MPZL1: variants seen among roughly 807,000 people sequenced by gnomAD.
The protein encoded by MPZL1 is myelin protein zero-like protein 1.
Under a neutral mutation model 29.3 loss-of-function variants are expected in MPZL1, and 16 were observed. The observed-to-expected ratio is 0.55, with a 90% CI of 0.37 to 0.83. MPZL1 has a LOEUF of 0.83. Among genes scored for constraint, MPZL1 ranks in the 40% least tolerant of loss-of-function variants. The pLI, the probability that MPZL1 is intolerant of heterozygous loss-of-function variation, is 0.00. For missense variants in MPZL1, 279 were observed against 332.9 expected (o/e 0.84, Z 1.26); for synonymous variants, 143 against 132.0 (o/e 1.08, Z -0.57).
intron 5 of MPZL1, among the ~76,000 whole-genome samples, chr1:167,784,571 G>A (rs553823227): frequency 6.6e-6 from 1 of 152,294 alleles, no homozygotes; most frequent in African/African-American, 2.4e-5. Flanking sequence ...GAGGTGCTGA[G>A]GCATGTTCCA....
intron 1 of MPZL1, among the ~76,000 whole-genome samples, chr1:167,745,613 T>G (rs1226333821): frequency 6.6e-6 from 1 of 152,074 alleles, no homozygotes; most frequent in Admixed American, 6.6e-5. Flanking sequence ...TTTGTCATAT[T>G]CTTTTTGTAT....
At chr1:167,787,704 G>A (rs1661617846) in intron 5 of MPZL1, 116 bp from the exon 6 acceptor site, 2 of 686,900 alleles carry the variant, frequency 2.9e-6, no homozygotes. Context: ...ACATTCAAGA[G>A]GGAAGTCTTT....
intron 1 of MPZL1, among the ~76,000 whole-genome samples, chr1:167,723,548 A>C (rs1412455909): frequency 2.0e-5 from 3 of 152,266 alleles, no homozygotes; most frequent in Non-Finnish European, 4.4e-5. Context: ...AGTAGAAAAT[A>C]GCCTAAAATT....
chr1:167,769,506 C>T (rs958146727), intron 2 of MPZL1, among the ~76,000 whole-genome samples: 3 of 152,100 alleles, frequency 2.0e-5, no homozygotes, highest in African/African-American at 7.2e-5. Flanking sequence ...ATGGGACTTG[C>T]GGGGCAAGAG....
intron 1 of MPZL1, among the ~76,000 whole-genome samples, chr1:167,735,601 G>A (rs1477952366): frequency 6.6e-6 from 1 of 152,158 alleles, no homozygotes; most frequent in Non-Finnish European, 1.5e-5. Flanking sequence ...ATATGATTGT[G>A]GAGGCTTGGT....
chr1:167,773,393 CAGGG>C (rs1319920376), intron 4 of MPZL1, 25 bp downstream of exon 4: 1 of 1,603,942 alleles, frequency 6.2e-7, no homozygotes, highest in African/African-American at 1.3e-5. Context: ...TTTTTTAGGG[CAGGG>C]GTGGAGGGAG....
intron 1 of MPZL1, among the ~76,000 whole-genome samples, chr1:167,725,189 T>A (rs117896350): frequency 0.01 from 1,557 of 152,316 alleles, 65 homozygotes; most frequent in Admixed American, 0.07. Context: ...AAAATGCATC[T>A]GGAATTGATG....
At chr1:167,766,340 A>AGT (rs1407571837) in intron 2 of MPZL1, among the ~76,000 whole-genome samples, 1 of 152,238 alleles carries the variant, frequency 6.6e-6, no homozygotes, top group Non-Finnish European at 1.5e-5. Context: ...AAGGTTATTT[A>AGT]GTAACTAGTG....
chr1:167,742,699 G>A (rs1003572946), intron 1 of MPZL1, among the ~76,000 whole-genome samples: 14 of 152,122 alleles, frequency 9.2e-5, no homozygotes, highest in African/African-American at 3.1e-4. Context: ...TGGTCATGAA[G>A]TCTTTGCGTA....
chr1:167,730,920 A>G (rs947600132), intron 1 of MPZL1, among the ~76,000 whole-genome samples: 2 of 152,268 alleles, frequency 1.3e-5, no homozygotes, highest in Middle Eastern at 3.4e-3. Flanking sequence ...GTCTGCCACA[A>G]GTTGGAGGTC....
rs928253044 is a variant in MPZL1, at chr1:167,760,443, T to G, written c.92-5140T>G. 2.6e-4 allele frequency among the ~76,000 whole-genome samples: 40 copies of G among 152,184 alleles called. 1 individual carries two copies. Among genetic ancestry groups the G allele is most frequent in the South Asian group, 4.1e-4 (2 of 4,822 alleles). On this transcript the variant is annotated intron_variant, in intron 1 of 5. Transcript: ENST00000359523. ...GGTCTTGATCTCCTGACCTCGGTGT[T>G]CCGCCCACTTTGGCCTCCCAAAGTG...
At chr1:167,737,058 C>T (rs778877661) in intron 1 of MPZL1, among the ~76,000 whole-genome samples, 67 of 152,226 alleles carry the variant, frequency 4.4e-4, no homozygotes, top group Non-Finnish European at 8.4e-4. Flanking sequence ...GCTTTCTCAT[C>T]TCAGATGTAA....
intron 2 of MPZL1, among the ~76,000 whole-genome samples, chr1:167,766,075 G>GTATTATCAAATTTTATA (rs1661108959): frequency 6.6e-6 from 1 of 150,796 alleles, no homozygotes; most frequent in South Asian, 2.1e-4. Flanking sequence ...TTTGTTTTAT[G>GTATTATCAAATTTTATA]TATTATCAAA....
chr1:167,763,419 G>A (rs1470466225), intron 1 of MPZL1, among the ~76,000 whole-genome samples: 1 of 151,836 alleles, frequency 6.6e-6, no homozygotes, highest in East Asian at 1.9e-4. Flanking sequence ...GGGAGGCTGA[G>A]GCAGGAGAAT....
chr1:167,724,073 GTGTGTGCCAC>G (rs1365704181), intron 1 of MPZL1, among the ~76,000 whole-genome samples: 3 of 152,194 alleles, frequency 2.0e-5, no homozygotes, highest in Admixed American at 2.0e-4. Context: ...GGGGCTACAG[GTGTGTGCCAC>G]TGTGTAGGGT....
In MPZL1 at chr1:167,791,323, C is replaced by T. The variant is rs535255299; in HGVS notation, c.*3402C>T. The T allele has an allele frequency of 1.8e-4, 27 of 152,348 alleles. No homozygotes were observed. The highest frequency in any genetic ancestry group is 6.5e-4 in the African/African-American group (27 of 41,574). 9.4% of individuals were successfully genotyped at this position (152,348 alleles called of 1,614,324 possible). A position where few individuals can be genotyped will look rare whatever the true frequency, so the allele number is the denominator to read the frequency against. ...TAGGTGGAAGCATTCATCCATTCAGCAACCTACACTGAGAACAATCCTGTG... is the reference window on the plus strand; with the variant it reads ...TAGGTGGAAGCATTCATCCATTCAGTAACCTACACTGAGAACAATCCTGTG... On this transcript the variant is annotated 3_prime_UTR_variant, in exon 6 of 6. Coordinates refer to ENST00000359523, the MANE Select transcript of MPZL1 (RefSeq NM_003953.6).
intron 1 of MPZL1, among the ~76,000 whole-genome samples, chr1:167,754,119 T>C (rs1489478221): frequency 6.6e-6 from 1 of 152,070 alleles, no homozygotes; most frequent in Non-Finnish European, 1.5e-5. Flanking sequence ...CCGCTCAGCC[T>C]CCCAAGTAGC....
intron 1 of MPZL1, among the ~76,000 whole-genome samples, chr1:167,762,114 GATTTCAC>G (rs1428446421): frequency 6.6e-6 from 1 of 152,072 alleles, no homozygotes; most frequent in Non-Finnish European, 1.5e-5. Flanking sequence ...CAACTGGGGG[GATTTCAC>G]CTCTGAGGAG....
chr1:167,739,304 TATATACAC>T lies in MPZL1; in HGVS notation c.91+17068_91+17075del, dbSNP rs1165323017. Among the ~76,000 whole-genome samples, 523 of 93,662 alleles carry T rather than the reference TATATACAC, an allele frequency of 5.6e-3. 3 individuals carry two copies. Among genetic ancestry groups the T allele is most frequent in the African/African-American group, 0.023 (377 of 16,458 alleles). The allele number at this position is 93,662 out of a possible 152,430, so 61.4% of individuals were successfully genotyped here. A position where few individuals can be genotyped will look rare whatever the true frequency, so the allele number is the denominator to read the frequency against. Reference sequence around the variant, plus strand: ...ATACATATATATATATATATATATATATATACACATATATATATTTATGTTTATTCTTT... The same window carrying T: ...ATACATATATATATATATATATATATATATATATATTTATGTTTATTCTTT... On this transcript the variant is annotated intron_variant, in intron 1 of 5. Coordinates refer to ENST00000359523, the MANE Select transcript of MPZL1 (RefSeq NM_003953.6).
Sources: gnomAD v4.1 joint callset for allele counts (sites outside exome capture counted in the v4.1 genomes callset) on GRCh38, gnomAD v4.1.1 for gene constraint, MANE v1.5 for transcripts, NCBI Gene and HGNC (gene_info 2026-07-23, HGNC 2026-07-21) for gene names.